The following CCT4 variants were observed in gnomAD, a reference collection of about 807,000 sequenced individuals.
CCT4 encodes the protein chaperonin containing TCP1 subunit 4, also known as T-complex protein 1 subunit delta.
In CCT4, 17 loss-of-function variants were observed where a neutral mutation model predicts 62.5. That is an observed-to-expected ratio of 0.27 (90% CI 0.19 to 0.41). The LOEUF (loss-of-function observed/expected upper bound fraction) is 0.41. CCT4 is among the 10% of genes least tolerant of loss of function. The probability of loss-of-function intolerance (pLI) is 1.00; values close to 1 mark genes in which losing one functional copy is unlikely to be tolerated. For missense variants in CCT4, 592 were observed against 659.2 expected, an observed-to-expected ratio of 0.90 and a Z score of 1.12; for synonymous variants, 250 against 229.9, an observed-to-expected ratio of 1.09 and a Z score of -0.79.
intron 3 of CCT4, among the ~76,000 whole-genome samples, chr2:61,881,079 A>G (rs1361677354): frequency 6.6e-6 from 1 of 152,202 alleles, no homozygotes; most frequent in East Asian, 1.9e-4. Flanking sequence ...GACCCCTTGT[A>G]AGTATAACCT....
chr2:61,872,074 AT>A lies in CCT4; in HGVS notation c.1491+7del. The A allele has an allele frequency of 6.4e-7, 1 of 1,560,084 alleles. No homozygotes were observed. Among genetic ancestry groups the A allele is most frequent in the East Asian group, 2.2e-5 (1 of 44,640 alleles). On this transcript the variant is annotated splice_region_variant and intron_variant, in intron 12 of 13. Transcript: ENST00000394440. Reference sequence around the variant, plus strand: ...CAATATTTTCTACATTAGAGATTAAATGATTACCTTTCGGACATTAATGCCT... The same window carrying A: ...CAATATTTTCTACATTAGAGATTAAAGATTACCTTTCGGACATTAATGCCT...
At position 61,872,298 on chromosome 2, in the gene CCT4, A is replaced by G. The variant is rs1668900831; in HGVS notation, c.1275T>C (p.Gly425=). 2.5e-6 allele frequency: 4 copies of G among 1,599,164 alleles called. No homozygotes were observed. In the Admixed American group the frequency reaches 6.7e-5, roughly 27 times the overall value. The change falls in exon 12 of 14, where the codon GGT becomes GGC. Residue 425 remains glycine (G), a synonymous_variant. Coordinates refer to ENST00000394440, the MANE Select transcript of CCT4 (RefSeq NM_006430.4). ...GGGCCAACTCTATTTCTGGAGCACC[A>G]CCTCCTGCAATAAGAGCCCTGAAAT... ...LVKKRALIAG[G]GAPEIELALR...
chr2:61,870,924 AAAAC>A (rs547825366), intron 12 of CCT4, among the ~76,000 whole-genome samples: 57 of 152,018 alleles, frequency 3.7e-4, no homozygotes, highest in African/African-American at 8.4e-4. Flanking sequence ...CTCCAAAGAA[AAAAC>A]AAACAAACAA....
intron 3 of CCT4, among the ~76,000 whole-genome samples, 164 bp from the exon 4 acceptor site, chr2:61,880,558 G>A (rs1669090625): frequency 6.6e-6 from 1 of 152,146 alleles, no homozygotes; most frequent in Non-Finnish European, 1.5e-5. Flanking sequence ...TAAAATTAAA[G>A]ACTAGTAGAT....
rs1668922436 is a variant in CCT4, at chr2:61,873,228, A to G, written c.983T>C (p.Ile328Thr). Residue 328 changes from isoleucine to threonine, a missense_variant, in exon 9 of 14, where the codon ATT (isoleucine) becomes ACT (threonine). Ile to Thr is a moderately conservative substitution (Grantham distance 89, BLOSUM62 -1). Coordinates refer to ENST00000394440, the MANE Select transcript of CCT4 (RefSeq NM_006430.4). ...NKMKIMVIKD[I>T]EREDIEFICK... Reference sequence around the variant, plus strand: ...AATGAATTCAATGTCTTCTCTTTCAATATCCTTAATCACCATGATCTTCAT... The same window carrying G: ...AATGAATTCAATGTCTTCTCTTTCAGTATCCTTAATCACCATGATCTTCAT... 1 of 1,527,966 alleles carries G rather than the reference A, an allele frequency of 6.5e-7. No individual in the cohort carries two copies. Among genetic ancestry groups the G allele is most frequent in the Admixed American group, 1.7e-5 (1 of 59,878 alleles). The allele number at this position is 1,527,966 out of a possible 1,614,324, so 94.7% of individuals were successfully genotyped here.
chr2:61,879,256 C>CTTTTTTTTTTTTTTTTTTTTTTTTTTTT (rs35373962), intron 4 of CCT4, among the ~76,000 whole-genome samples: 1 of 101,078 alleles, frequency 9.9e-6, no homozygotes, highest in Non-Finnish European at 1.8e-5. Context: ...AAATTTTATA[C>CTTTTTTTTTTTTTTTTTTTTTTTTTTTT]TTTTTTTTTT....
chr2:61,883,410 C>CT, intron 3 of CCT4, 49 bp downstream of exon 3: 2 of 901,606 alleles, frequency 2.2e-6, no homozygotes, highest in South Asian at 3.0e-5. Context: ...GAGCAAGACT[C>CT]TGTCTCAAAA....
intron 12 of CCT4, 114 bp from the exon 13 acceptor site, chr2:61,869,667 A>G: frequency 7.5e-6 from 5 of 664,548 alleles, no homozygotes; most frequent in Non-Finnish European, 1.1e-5. Flanking sequence ...CTGTCTAAGA[A>G]GATTAGAATA....
At chr2:61,874,529 T>C (rs912337126) in intron 8 of CCT4, among the ~76,000 whole-genome samples, 1 of 151,376 alleles carries the variant, frequency 6.6e-6, no homozygotes, top group Non-Finnish European at 1.5e-5. Flanking sequence ...GAAAACTGCT[T>C]GAACCTGGGA....
intron 12 of CCT4, among the ~76,000 whole-genome samples, chr2:61,871,684 C>T (rs1248933254): frequency 6.6e-6 from 1 of 152,182 alleles, no homozygotes; most frequent in Non-Finnish European, 1.5e-5. Flanking sequence ...TTAGCTCATG[C>T]TAACTAGGGC....
In CCT4 at chr2:61,880,487, A is replaced by G. The variant is rs1026702840; in HGVS notation, c.271-93T>C. The stretch of plus-strand genomic sequence containing the variant: ...TAATCGCACCAGTGTCACAAACAGA[A>G]TTTGAAGATGCAACATGATTCCTGA... On this transcript the variant is annotated intron_variant, in intron 3 of 13. Coordinates refer to ENST00000394440, the MANE Select transcript of CCT4 (RefSeq NM_006430.4). The G allele has an allele frequency of 3.3e-5, 24 of 724,240 alleles. No homozygotes were observed. The African/African-American group carries it at 4.2e-4, about 13-fold the overall frequency. The allele number at this position is 724,240 out of a possible 1,614,324, so 44.9% of individuals were successfully genotyped here. A position where few individuals can be genotyped will look rare whatever the true frequency, so the allele number is the denominator to read the frequency against.
rs910323985 is a variant in CCT4 at position 61,872,271 on chromosome 2, T to C, written c.1302A>G (p.Leu434=). Residue 434 remains leucine, a synonymous_variant, in exon 12 of 14, where the codon CTA becomes CTG. Transcript: ENST00000394440. ...GTGTTCGTGAATATTCAGTTAATCGTAGGGCCAACTCTATTTCTGGAGCAC... is the reference window on the plus strand; with the variant it reads ...GTGTTCGTGAATATTCAGTTAATCGCAGGGCCAACTCTATTTCTGGAGCAC... ...GGGAPEIELA[L]RLTEYSRTLS... The C allele has an allele frequency of 5.6e-6, 9 of 1,612,334 alleles. No individual in the cohort carries two copies. Among genetic ancestry groups the C allele is most frequent in the Non-Finnish European group, 7.6e-6 (9 of 1,178,750 alleles).
In CCT4 at chr2:61,873,021, C is replaced by T; in HGVS notation, c.1106G>A (p.Gly369Asp). ...AELAEEVNLN[G>D]SGKLLKITGC... is the part of the protein sequence containing the mutation. ...TGTTACCTTGAGCAGTTTGCCAGAA[C>T]CATTTAAATTGACCTCCTCAGCTAA... The change falls in exon 10 of 14, where the codon GGT becomes GAT. Residue 369 changes from glycine (G) to aspartate (D), a missense_variant. Coordinates refer to ENST00000394440, the MANE Select transcript of CCT4 (RefSeq NM_006430.4). The T allele has an allele frequency of 1.2e-6, 2 of 1,605,070 alleles. No individual in the cohort carries two copies. The highest frequency in any genetic ancestry group is 1.7e-6 in the Non-Finnish European group (2 of 1,171,772).
At chr2:61,876,589 C>A (rs7587722) in intron 7 of CCT4, among the ~76,000 whole-genome samples, 57,934 of 151,988 alleles carry the variant, frequency 0.38, 11,686 homozygotes, top group East Asian at 0.7. Flanking sequence ...GTTGCCCAGG[C>A]TGGAGTGGAG....
At chr2:61,881,323 ATTTTTT>A (rs923717475) in intron 3 of CCT4, among the ~76,000 whole-genome samples, 1 of 151,868 alleles carries the variant, frequency 6.6e-6, no homozygotes, top group African/African-American at 2.4e-5. Flanking sequence ...GGATAACAAA[ATTTTTT>A]TGTTATCCTG....
rs1669080901 is a variant in CCT4 at position 61,880,076 on chromosome 2, A to G, written c.379+210T>C. 2.0e-5 allele frequency among the ~76,000 whole-genome samples: 3 copies of G among 152,310 alleles called. No individual in the cohort carries two copies. In the South Asian group the frequency reaches 6.2e-4, roughly 32 times the overall value. ...AAAATTCAATTGAGTTCCATTCAAA[A>G]AGGAGCCCAGCAAATATCAGAAGCC... is the stretch of plus-strand genomic sequence containing the variant. On this transcript the variant is annotated intron_variant, in intron 4 of 13. Transcript: ENST00000394440.
intron 8 of CCT4, among the ~76,000 whole-genome samples, chr2:61,874,602 CTG>C (rs970539662): frequency 1.3e-5 from 2 of 150,118 alleles, no homozygotes; most frequent in Admixed American, 6.7e-5. Flanking sequence ...CAGAGTGAGA[CTG>C]TGTCTCCAAA....
intron 3 of CCT4, among the ~76,000 whole-genome samples, chr2:61,881,566 G>A (rs985174534): frequency 6.8e-6 from 1 of 147,370 alleles, no homozygotes; most frequent in Admixed American, 6.6e-5. Context: ...GGAAAATACA[G>A]AAAGAAATTA....
intron 12 of CCT4, among the ~76,000 whole-genome samples, chr2:61,871,172 C>T (rs1668876404): frequency 6.6e-6 from 1 of 151,682 alleles, no homozygotes; most frequent in South Asian, 2.1e-4. Flanking sequence ...GCTGGGATTA[C>T]AGATATCCGC....
Sources: allele counts gnomAD v4.1 joint callset (sites outside exome capture counted in the v4.1 genomes callset), GRCh38; gene constraint gnomAD v4.1.1; transcripts MANE v1.5; gene names NCBI Gene and HGNC (gene_info 2026-07-23, HGNC 2026-07-21).